DHRSX: variants seen among roughly 807,000 people sequenced by gnomAD.
The protein encoded by DHRSX is dehydrogenase/reductase X-linked.
Under a neutral mutation model 34.0 loss-of-function variants are expected in DHRSX, and 31 were observed. The observed-to-expected ratio is 0.91, with a 90% CI of 0.69 to 1.23. The LOEUF (loss-of-function observed/expected upper bound fraction) is 1.23. Ranked by LOEUF, DHRSX falls within the 50% of genes most tolerant of loss-of-function variation. The pLI, the probability that DHRSX is intolerant of heterozygous loss-of-function variation, is 0.00. For synonymous variants in DHRSX, 201 were observed against 183.8 expected (o/e 1.09, Z -0.76); for missense variants, 414 against 428.1 (o/e 0.97, Z 0.29).
At chrX:2,240,731 T>G (rs1287797519) in intron 6 of DHRSX, among the ~76,000 whole-genome samples, 1 of 152,152 alleles carries the variant, frequency 6.6e-6, no homozygotes, top group Admixed American at 6.6e-5. Flanking sequence ...TTAAAAATGC[T>G]AATTAGACGA....
In DHRSX at chrX:2,434,779, G is replaced by A. The variant is rs192596959; in HGVS notation, c.110-9475C>T. ...CTCCCACACATATGCTAAGATATAC[G>A]AGAAAACCATTCATGGCTGCCTTGT... On this transcript the variant is annotated intron_variant, in intron 1 of 6. Transcript: ENST00000334651. 2.3e-4 allele frequency among the ~76,000 whole-genome samples: 35 copies of A among 152,284 alleles called. No homozygotes were observed. In the East Asian group the frequency reaches 6.6e-3, roughly 29 times the overall value.
intron 3 of DHRSX, among the ~76,000 whole-genome samples, chrX:2,311,627 G>C (rs750652355): frequency 2.0e-4 from 30 of 152,260 alleles, no homozygotes; most frequent in African/African-American, 6.3e-4. Flanking sequence ...AAAGGCTTTC[G>C]AAGACAAGGC....
chrX:2,348,990 G>A (rs1050723405), intron 3 of DHRSX, among the ~76,000 whole-genome samples: 1 of 152,070 alleles, frequency 6.6e-6, no homozygotes, highest in South Asian at 2.1e-4. Flanking sequence ...CACCGCGCCC[G>A]GCTGTGGGTC....
chrX:2,500,889 C>G lies in DHRSX; in HGVS notation c.37G>C (p.Val13Leu). 1 of 1,140,274 alleles carries G rather than the reference C, an allele frequency of 8.8e-7. No individual in the cohort carries two copies. Among genetic ancestry groups the G allele is most frequent in the Non-Finnish European group, 1.1e-6 (1 of 925,326 alleles). The allele number at this position is 1,140,274 out of a possible 1,614,324, so 70.6% of individuals were successfully genotyped here. The change falls in exon 1 of 7, where the codon GTC (valine) becomes CTC (leucine). Residue 13 changes from valine to leucine, a missense_variant. Coordinates refer to ENST00000334651, the MANE Select transcript of DHRSX (RefSeq NM_145177.3). ...ATCACCGCGGCGCCTACCGCGTAGA[C>G]CCGCAGGGCCGCCCGCGCCGCAGAC... is the stretch of plus-strand genomic sequence containing the variant. ...PLSAARAALR[V>L]YAVGAAVILA...
chrX:2,383,408 T>TCAC (rs1418077017), intron 3 of DHRSX, among the ~76,000 whole-genome samples: 3 of 151,750 alleles, frequency 2.0e-5, no homozygotes, highest in African/African-American at 7.3e-5. Flanking sequence ...ATCACCATCA[T>TCAC]CATCATCATC....
intron 5 of DHRSX, 142 bp downstream of exon 5, chrX:2,266,598 G>C (rs2041477466): frequency 6.0e-6 from 5 of 829,724 alleles, no homozygotes; most frequent in Admixed American, 4.1e-5. Flanking sequence ...AAGCACCAGT[G>C]CTCGGCAGAC....
rs1206166172 is a variant in DHRSX, at chrX:2,376,529, T to A, written c.286+32216A>T. Among the ~76,000 whole-genome samples the A allele has an allele frequency of 6.5e-5, 9 of 137,556 alleles. 3 individuals carry two copies. The East Asian group carries it at 1.8e-3, about 27-fold the overall frequency. The allele number at this position is 137,556 out of a possible 152,430, so 90.2% of individuals were successfully genotyped here. A position where few individuals can be genotyped will look rare whatever the true frequency, so the allele number is the denominator to read the frequency against. ...GGGTTTAACTGTGACCTCACCAAGA[T>A]GTGTCCACCCAGAACCTAGGAATGA... On this transcript the variant is annotated intron_variant, in intron 3 of 6. Transcript: ENST00000334651.
intron 3 of DHRSX, among the ~76,000 whole-genome samples, chrX:2,344,906 T>C (rs906426678): frequency 1.1e-4 from 12 of 106,102 alleles, no homozygotes; most frequent in African/African-American, 3.2e-4. Context: ...TATATATATA[T>C]ATATATATAC....
At chrX:2,289,730 G>T (rs1232815533) in intron 4 of DHRSX, among the ~76,000 whole-genome samples, 1 of 152,156 alleles carries the variant, frequency 6.6e-6, no homozygotes, top group Non-Finnish European at 1.5e-5. Flanking sequence ...ATACTGATAG[G>T]TCTTCAGCAA....
chrX:2,488,683 A>G (rs1480313684), intron 1 of DHRSX: 1 of 1,612,694 alleles, frequency 6.2e-7, no homozygotes. Flanking sequence ...CGCTGACGCC[A>G]TCCCCCAAGG....
intron 3 of DHRSX, among the ~76,000 whole-genome samples, chrX:2,326,809 C>CTTT (rs776129131): frequency 9.7e-5 from 14 of 144,652 alleles, no homozygotes; most frequent in African/African-American, 3.3e-4. Flanking sequence ...TTCAGTTTTT[C>CTTT]TTTTTTTTTT....
intron 3 of DHRSX, among the ~76,000 whole-genome samples, chrX:2,324,691 A>C (rs2042355369): frequency 2.6e-5 from 4 of 152,090 alleles, no homozygotes; most frequent in South Asian, 4.1e-4. Flanking sequence ...AGAGTCTGCC[A>C]GTGATACAGG....
At chrX:2,459,483 T>C (rs753521324) in intron 1 of DHRSX, among the ~76,000 whole-genome samples, 2 of 150,204 alleles carry the variant, frequency 1.3e-5, no homozygotes, top group African/African-American at 2.4e-5. Flanking sequence ...CACTGCACAA[T>C]GTGTACTTGG....
intron 1 of DHRSX, chrX:2,490,173 C>T: frequency 6.2e-7 from 1 of 1,613,984 alleles, no homozygotes; most frequent in Non-Finnish European, 8.5e-7. Flanking sequence ...TTCAGGATCA[C>T]CTCCCGGACG....
intron 6 of DHRSX, among the ~76,000 whole-genome samples, chrX:2,226,245 C>T (rs2015658559): frequency 6.6e-6 from 1 of 152,142 alleles, no homozygotes; most frequent in South Asian, 2.1e-4. Flanking sequence ...CAATTATACC[C>T]ACACTTACCT....
At chrX:2,298,199 GGAT>G (rs1051184122) in intron 3 of DHRSX, among the ~76,000 whole-genome samples, 1 of 151,984 alleles carries the variant, frequency 6.6e-6, no homozygotes, top group African/African-American at 2.4e-5. Flanking sequence ...GAGGCCAAAA[GGAT>G]CCTCCCCTAG....
intron 3 of DHRSX, chrX:2,392,399 C>T (rs1011836580): frequency 1.1e-5 from 3 of 262,016 alleles, no homozygotes; most frequent in East Asian, 2.6e-4. Context: ...CCCAGCTCCT[C>T]GAGAGGCTGA....
rs139826809 is a variant in DHRSX at position 2,308,174 on chromosome X, G to T, written c.287-16571C>A. Reference sequence around the variant, plus strand: ...GCCACGTAGCTCATGGAATAAGATGGAGTATACCAGTTATCCATGTGGCAA... The same window carrying T: ...GCCACGTAGCTCATGGAATAAGATGTAGTATACCAGTTATCCATGTGGCAA... On this transcript the variant is annotated intron_variant, in intron 3 of 6. Coordinates refer to ENST00000334651, the MANE Select transcript of DHRSX (RefSeq NM_145177.3). Among the ~76,000 whole-genome samples, 1,048 of 152,202 alleles carry T rather than the reference G, an allele frequency of 6.9e-3. 11 individuals carry two copies. The highest frequency in any genetic ancestry group is 0.024 in the African/African-American group (1,004 of 41,528).
At chrX:2,345,105 C>A (rs948070222) in intron 3 of DHRSX, among the ~76,000 whole-genome samples, 4 of 151,698 alleles carry the variant, frequency 2.6e-5, no homozygotes, top group Admixed American at 2.6e-4. Flanking sequence ...GCTTCCATGG[C>A]TTCCCCTGCC....
Sources: allele counts gnomAD v4.1 joint callset (sites outside exome capture counted in the v4.1 genomes callset), GRCh38; gene constraint gnomAD v4.1.1; transcripts MANE v1.5; gene names NCBI Gene and HGNC (gene_info 2026-07-23, HGNC 2026-07-21).